Variants in TRAPPC9 observed in about 807,000 individuals in gnomAD.
TRAPPC9 encodes the protein trafficking protein particle complex subunit 9.
TRAPPC9 carries 83 observed loss-of-function variants against 124.0 expected under a neutral mutation model. That is an observed-to-expected ratio of 0.67 (90% CI 0.56 to 0.80). The LOEUF (loss-of-function observed/expected upper bound fraction) is 0.80, where lower values mean the gene tolerates loss of function less well. Ranked by LOEUF, TRAPPC9 falls within the 30% of genes least tolerant of loss-of-function variation. The pLI, the probability that TRAPPC9 is intolerant of heterozygous loss-of-function variation, is 0.00. For missense variants in TRAPPC9, 1,302 were observed against 1,508.3 expected, an observed-to-expected ratio of 0.86 and a Z score of 2.27; for synonymous variants, 638 against 617.5, an observed-to-expected ratio of 1.03 and a Z score of -0.49.
chr8:140,127,849 T>C (rs1302902766), intron 17 of TRAPPC9, among the ~76,000 whole-genome samples: 1 of 152,208 alleles, frequency 6.6e-6, no homozygotes, highest in East Asian at 1.9e-4. Flanking sequence ...AGCTTCTTTC[T>C]TGCCAAAAAT....
At chr8:139,873,450 T>C (rs528166067) in intron 21 of TRAPPC9, among the ~76,000 whole-genome samples, 1 of 152,158 alleles carries the variant, frequency 6.6e-6, no homozygotes, top group Non-Finnish European at 1.5e-5. Flanking sequence ...CACCCCTCCA[T>C]CAGGCTGTGA....
At chr8:140,343,327 C>T (rs920231170) in intron 9 of TRAPPC9, among the ~76,000 whole-genome samples, 5 of 152,144 alleles carry the variant, frequency 3.3e-5, no homozygotes, top group East Asian at 3.9e-4. Context: ...ATATCAGCCT[C>T]GGCATTTTTC....
chr8:140,132,855 T>TGCTAAGGCTTGGCAGCACGC (rs1190224621), intron 17 of TRAPPC9, among the ~76,000 whole-genome samples: 2 of 151,926 alleles, frequency 1.3e-5, no homozygotes, highest in Non-Finnish European at 2.9e-5. Flanking sequence ...CAGCAGCAAG[T>TGCTAAGGCTTGGCAGCACGC]GCTAAGGCTT....
chr8:139,936,661 T>C (rs1833538074), intron 19 of TRAPPC9, among the ~76,000 whole-genome samples: 1 of 149,646 alleles, frequency 6.7e-6, no homozygotes, highest in Non-Finnish European at 1.5e-5. Flanking sequence ...AGGGAGAGAA[T>C]GGGGGAGCGG....
intron 21 of TRAPPC9, among the ~76,000 whole-genome samples, chr8:139,851,421 G>A (rs1380871947): frequency 4.6e-5 from 7 of 152,156 alleles, no homozygotes; most frequent in Non-Finnish European, 5.9e-5. Flanking sequence ...TCTTGACTCC[G>A]GGAGCTGTAT....
intron 10 of TRAPPC9, among the ~76,000 whole-genome samples, chr8:140,305,572 C>T (rs2066108236): frequency 6.6e-6 from 1 of 152,128 alleles, no homozygotes. Context: ...AAAGTGTTCA[C>T]ATTACAGGCG....
At chr8:140,432,717 A>G (rs2070687825) in intron 4 of TRAPPC9, among the ~76,000 whole-genome samples, 1 of 151,974 alleles carries the variant, frequency 6.6e-6, no homozygotes, top group African/African-American at 2.4e-5. Context: ...CTAAAAATAC[A>G]AAAAATTAGC....
chr8:139,984,205 T>C lies in TRAPPC9; in HGVS notation c.2810+4521A>G, dbSNP rs958833584. On this transcript the variant is annotated intron_variant, in intron 19 of 22. Coordinates refer to ENST00000438773, the MANE Select transcript of TRAPPC9 (RefSeq NM_001160372.4). This position sits in a 1 kb window ranked among gnomAD's most constrained non-coding sequence, Gnocchi z 4.3. ...TCTGCAAACGGCAGCATCCAAGCCA[T>C]GTTAATTCCAGGAATCTGGCTCTTC... is the stretch of plus-strand genomic sequence containing the variant. Among the ~76,000 whole-genome samples the C allele has an allele frequency of 6.6e-6, 1 of 152,262 alleles. No homozygotes were observed. Among genetic ancestry groups the C allele is most frequent in the East Asian group, 1.9e-4 (1 of 5,178 alleles).
chr8:140,032,283 C>A (rs141113427), intron 17 of TRAPPC9, among the ~76,000 whole-genome samples: 81 of 152,342 alleles, frequency 5.3e-4, no homozygotes, highest in African/African-American at 1.8e-3. Context: ...TCTGTCACCA[C>A]GTCCAGACCA....
At position 140,083,063 on chromosome 8, in the gene TRAPPC9, T is replaced by G. The variant is rs368338914; in HGVS notation, c.2557-58984A>C. 7.2e-5 allele frequency among the ~76,000 whole-genome samples: 11 copies of G among 152,240 alleles called. No homozygotes were observed. In the East Asian group the frequency reaches 1.5e-3, roughly 21 times the overall value. The stretch of plus-strand genomic sequence containing the variant: ...AAAAAATCAGCTGGGCATGGTGGCA[T>G]GTGCCTGTAGTCCCAGCTGCTCGGG... On this transcript the variant is annotated intron_variant, in intron 17 of 22. Coordinates refer to ENST00000438773, the MANE Select transcript of TRAPPC9 (RefSeq NM_001160372.4).
At chr8:140,365,280 A>G (rs2068075846) in intron 8 of TRAPPC9, among the ~76,000 whole-genome samples, 1 of 152,132 alleles carries the variant, frequency 6.6e-6, no homozygotes, top group Non-Finnish European at 1.5e-5. Context: ...CACGGCCAGC[A>G]TCCCACAGCT....
At chr8:139,998,669 C>T (rs961145426) in intron 18 of TRAPPC9, among the ~76,000 whole-genome samples, 1 of 152,118 alleles carries the variant, frequency 6.6e-6, no homozygotes, top group African/African-American at 2.4e-5. Flanking sequence ...TTGCAGTGAG[C>T]CTAGATCACA....
intron 21 of TRAPPC9, among the ~76,000 whole-genome samples, chr8:139,767,218 C>A (rs1351721044): frequency 1.3e-5 from 2 of 152,220 alleles, no homozygotes; most frequent in Non-Finnish European, 2.9e-5. Flanking sequence ...GGCGTAGGGA[C>A]TAGCCCACAT....
chr8:139,817,872 G>C lies in TRAPPC9; in HGVS notation c.3055+68007C>G, dbSNP rs144405482. On this transcript the variant is annotated intron_variant, in intron 21 of 22. Transcript: ENST00000438773. ...ATATACAACATGACCTGCACTCTTG[G>C]GTCAGGGAGAGACTTGCTTACTCAT... 3.5e-3 allele frequency among the ~76,000 whole-genome samples: 533 copies of C among 152,240 alleles called. 4 individuals carry two copies. The highest frequency in any genetic ancestry group is 0.012 in the African/African-American group (486 of 41,526).
chr8:139,798,545 CAA>C (rs774926370), intron 21 of TRAPPC9, among the ~76,000 whole-genome samples: 21 of 152,126 alleles, frequency 1.4e-4, no homozygotes, highest in Non-Finnish European at 2.2e-4. Context: ...TTGGTTTTTT[CAA>C]AGACAGGGGC....
intron 17 of TRAPPC9, among the ~76,000 whole-genome samples, chr8:140,068,788 T>C (rs776049921): frequency 6.6e-6 from 1 of 152,240 alleles, no homozygotes; most frequent in Non-Finnish European, 1.5e-5. Context: ...GGCACAACGA[T>C]ATAGCTTTGC....
At chr8:140,004,536 C>G (rs1838623897) in intron 18 of TRAPPC9, among the ~76,000 whole-genome samples, 1 of 151,992 alleles carries the variant, frequency 6.6e-6, no homozygotes, top group African/African-American at 2.4e-5. Context: ...ATAACAACGC[C>G]TATGCTATGG....
chr8:139,895,368 CA>C (rs1442730802), intron 20 of TRAPPC9, among the ~76,000 whole-genome samples: 2 of 152,104 alleles, frequency 1.3e-5, no homozygotes, highest in Non-Finnish European at 2.9e-5. Context: ...AAAATGTATA[CA>C]TACCTTTTGT....
Position 140,450,961 on chromosome 8 carries a change from T to C in TRAPPC9, c.413A>G (p.Tyr138Cys). ...CTTCTCCACCGTCTGGCAGTCCTCG[T>C]AGTTGGGGTAGAAAGCCACGTCGGT... Reference protein sequence around the residue: ...PRTDVAFYPNYEDCQTVEKRI... With the variant: ...PRTDVAFYPNCEDCQTVEKRI... Residue 138 changes from tyrosine to cysteine, a missense_variant, in exon 2 of 23, where the codon TAC (tyrosine) becomes TGC (cysteine). Tyr to Cys is a radical substitution (Grantham distance 194, BLOSUM62 -2). Coordinates refer to ENST00000438773, the MANE Select transcript of TRAPPC9 (RefSeq NM_001160372.4). 4 of 1,614,062 alleles carry C rather than the reference T, an allele frequency of 2.5e-6. No individual in the cohort carries two copies. The highest frequency in any genetic ancestry group is 3.4e-6 in the Non-Finnish European group (4 of 1,180,000).
Sources: gnomAD v4.1 joint callset for allele counts (sites outside exome capture counted in the v4.1 genomes callset) on GRCh38, gnomAD v4.1.1 for gene constraint, Gnocchi (gnomAD v3.1) non-coding constraint, MANE v1.5 for transcripts, NCBI Gene and HGNC (gene_info 2026-07-23, HGNC 2026-07-21) for gene names.